Variants in RIT2 observed in about 807,000 individuals in gnomAD.
RIT2 encodes Ras like without CAAX 2, also known as GTP-binding protein Rit2.
RIT2 carries 24 observed loss-of-function variants against 23.7 expected under a neutral mutation model. That is an observed-to-expected ratio of 1.01 (90% confidence interval 0.73 to 1.43). The LOEUF (loss-of-function observed/expected upper bound fraction) is 1.43. Ranked by LOEUF, RIT2 falls within the 40% of genes most tolerant of loss-of-function variation. The pLI is 0.00. For synonymous variants in RIT2, 107 were observed against 91.1 expected (o/e 1.17, Z -0.99); for missense variants, 236 against 266.9 (o/e 0.88, Z 0.81).
chr18:42,765,956 A>G (rs1216239241), intron 4 of RIT2, among the ~76,000 whole-genome samples: 2 of 152,022 alleles, frequency 1.3e-5, no homozygotes, highest in Non-Finnish European at 2.9e-5. Flanking sequence ...TTCTCTTGCC[A>G]CCACCACGTA....
At position 42,779,578 on chromosome 18, in the gene RIT2, A is replaced by G. The variant is rs539262562; in HGVS notation, c.427-35858T>C. ...ATCTTCCTTTCCATTTTTAATAAGT[A>G]CCTGGTGCAATTACTTTTTATACTA... On this transcript the variant is annotated intron_variant, in intron 4 of 4. Transcript: ENST00000326695. Among the ~76,000 whole-genome samples, 8 of 152,284 alleles carry G rather than the reference A, an allele frequency of 5.3e-5. No individual in the cohort carries two copies. The South Asian group carries it at 1.7e-3, about 32-fold the overall frequency.
intron 2 of RIT2, among the ~76,000 whole-genome samples, chr18:43,032,544 T>C (rs1408826895): frequency 6.6e-6 from 1 of 152,066 alleles, no homozygotes; most frequent in African/African-American, 2.4e-5. Context: ...CATTCTGGAA[T>C]TAAGATATTT....
chr18:43,085,289 A>C (rs78292368), intron 1 of RIT2, among the ~76,000 whole-genome samples: 12 of 152,220 alleles, frequency 7.9e-5, no homozygotes, highest in African/African-American at 2.9e-4. Context: ...CATTGTGAAA[A>C]GATTAAGTCA....
intron 2 of RIT2, among the ~76,000 whole-genome samples, chr18:43,014,683 G>C (rs1911431971): frequency 6.6e-6 from 1 of 151,132 alleles, no homozygotes. Flanking sequence ...GAAAACGTGG[G>C]AATAAAAACA....
intron 4 of RIT2, among the ~76,000 whole-genome samples, chr18:42,839,123 A>G (rs1025115984): frequency 2.0e-5 from 3 of 152,196 alleles, no homozygotes; most frequent in Non-Finnish European, 4.4e-5. Context: ...AAATGAGAAG[A>G]GCAAAATCCC....
chr18:43,041,694 A>G (rs1325375762), intron 1 of RIT2, among the ~76,000 whole-genome samples: 1 of 152,146 alleles, frequency 6.6e-6, no homozygotes, highest in Non-Finnish European at 1.5e-5. Flanking sequence ...TTTTATTTAA[A>G]TTTCCATTTT....
chr18:42,866,011 A>G (rs929057277), intron 4 of RIT2, among the ~76,000 whole-genome samples: 1 of 152,194 alleles, frequency 6.6e-6, no homozygotes, highest in African/African-American at 2.4e-5. Context: ...CAGCAAATCC[A>G]GATCCTCAAG....
chr18:43,071,783 A>G (rs1479194662), intron 1 of RIT2, among the ~76,000 whole-genome samples: 1 of 152,134 alleles, frequency 6.6e-6, no homozygotes, highest in East Asian at 1.9e-4. Flanking sequence ...TTTTGTATTT[A>G]AAAGCATTAT....
At chr18:42,991,525 A>G (rs1310484223) in intron 2 of RIT2, among the ~76,000 whole-genome samples, 1 of 152,200 alleles carries the variant, frequency 6.6e-6, no homozygotes, top group Non-Finnish European at 1.5e-5. Flanking sequence ...AAGCTAAGCC[A>G]TCATATCCCC....
At chr18:42,968,854 G>A (rs906674719) in intron 3 of RIT2, among the ~76,000 whole-genome samples, 12 of 152,144 alleles carry the variant, frequency 7.9e-5, no homozygotes, top group Non-Finnish European at 1.8e-4. Flanking sequence ...CTGTATTCGA[G>A]TCTAGTGTTG....
intron 1 of RIT2, among the ~76,000 whole-genome samples, chr18:43,046,508 G>A (rs1328599768): frequency 6.6e-6 from 1 of 152,152 alleles, no homozygotes; most frequent in Admixed American, 6.5e-5. Context: ...AAGCTGGGCT[G>A]CTTCTACTGG....
Position 42,973,966 on chromosome 18 carries a change from GTTC to G in RIT2, c.234+105_234+107del, listed in dbSNP as rs776520509. On this transcript the variant is annotated intron_variant, in intron 3 of 4. Transcript: ENST00000326695. ...AATTCCTGATTGTTATCACAAATTTGTTCTTCTTCTGCTTGAATAAAGTCATCT... is the reference window on the plus strand; with the variant it reads ...AATTCCTGATTGTTATCACAAATTTGTTCTTCTGCTTGAATAAAGTCATCT... 9.9e-4 allele frequency: 643 copies of G among 651,146 alleles called. 1 individual carries two copies. Among genetic ancestry groups the G allele is most frequent in the Non-Finnish European group, 1.6e-3 (593 of 380,692 alleles). The allele number at this position is 651,146 out of a possible 1,614,324, so 40.3% of individuals were successfully genotyped here. A position where few individuals can be genotyped will look rare whatever the true frequency, so the allele number is the denominator to read the frequency against.
chr18:42,931,849 A>G (rs1320740934), intron 3 of RIT2, among the ~76,000 whole-genome samples: 3 of 152,172 alleles, frequency 2.0e-5, no homozygotes, highest in African/African-American at 7.2e-5. Context: ...GAAAATCCAC[A>G]TGACAAAGTT....
intron 3 of RIT2, among the ~76,000 whole-genome samples, chr18:42,945,323 A>G (rs1909702326): frequency 6.6e-6 from 1 of 152,004 alleles, no homozygotes; most frequent in Admixed American, 6.6e-5. Flanking sequence ...ACAAATATGC[A>G]TAATCAATAA....
At chr18:42,750,560 C>T (rs1403679512) in intron 4 of RIT2, among the ~76,000 whole-genome samples, 3 of 151,816 alleles carry the variant, frequency 2.0e-5, no homozygotes, top group East Asian at 1.9e-4. Flanking sequence ...GCAACATTCA[C>T]AGCAAATAGG....
intron 1 of RIT2, among the ~76,000 whole-genome samples, chr18:43,041,279 A>G (rs1033222278): frequency 3.3e-5 from 5 of 152,164 alleles, no homozygotes; most frequent in African/African-American, 9.7e-5. Context: ...CAATCTTTAT[A>G]AAAGTAATTA....
chr18:42,827,731 C>A (rs573779237), intron 4 of RIT2, among the ~76,000 whole-genome samples: 1 of 151,930 alleles, frequency 6.6e-6, no homozygotes, highest in Non-Finnish European at 1.5e-5. Flanking sequence ...GTAGGCCAGG[C>A]GTGGTGGCTC....
intron 3 of RIT2, among the ~76,000 whole-genome samples, chr18:42,970,728 G>C (rs192551593): frequency 8.6e-5 from 13 of 151,894 alleles, no homozygotes; most frequent in Admixed American, 7.9e-4. Context: ...TTAATATTAG[G>C]TTATATCCAT....
In RIT2 at chr18:42,752,454, A is replaced by C. The variant is rs1318279805; in HGVS notation, c.427-8734T>G. Among the ~76,000 whole-genome samples the C allele has an allele frequency of 2.6e-5, 4 of 152,288 alleles. 1 individual carries two copies. In the South Asian group the frequency reaches 8.3e-4, roughly 32 times the overall value. On this transcript the variant is annotated intron_variant, in intron 4 of 4. Coordinates refer to ENST00000326695, the MANE Select transcript of RIT2 (RefSeq NM_002930.4). ...TCTTATTTTTCAAATGAGGACTTTC[A>C]GGCTCAGAAAGGTTAAGCAGTGGTT...
Sources: allele counts gnomAD v4.1 joint callset (sites outside exome capture counted in the v4.1 genomes callset), GRCh38; gene constraint gnomAD v4.1.1; transcripts MANE v1.5; gene names NCBI Gene and HGNC (gene_info 2026-07-23, HGNC 2026-07-21).